PTPN5: variants seen among roughly 807,000 people sequenced by gnomAD.
The protein encoded by PTPN5 is protein tyrosine phosphatase non-receptor type 5, also known as tyrosine-protein phosphatase non-receptor type 5.
A neutral mutation model predicts 73.9 loss-of-function variants in PTPN5; 29 were observed. That is an observed-to-expected ratio of 0.39 (90% CI 0.29 to 0.54). PTPN5 has a LOEUF of 0.54. PTPN5 is among the 20% of genes least tolerant of loss of function. The pLI is 0.65. For missense variants in PTPN5, 652 were observed against 751.4 expected, an observed-to-expected ratio of 0.87 and a Z score of 1.55; for synonymous variants, 267 against 304.7, an observed-to-expected ratio of 0.88 and a Z score of 1.29.
intron 2 of PTPN5, among the ~76,000 whole-genome samples, chr11:18,769,930 G>A (rs577754221): frequency 6.6e-6 from 1 of 152,252 alleles, no homozygotes; most frequent in East Asian, 1.9e-4. Context: ...TGCCTCCTGG[G>A]GTGGCGGGGG....
At chr11:18,743,488 A>C in intron 4 of PTPN5, 59 bp from the exon 5 acceptor site, 3 of 1,482,342 alleles carry the variant, frequency 2.0e-6, no homozygotes, top group South Asian at 1.1e-5. Context: ...GTGTTCCCCC[A>C]GCAGAGCTCA....
Position 18,742,937 on chromosome 11 carries a change from A to G in PTPN5, c.483+55T>C. On this transcript the variant is annotated intron_variant, in intron 6 of 14. Coordinates refer to ENST00000358540, the MANE Select transcript of PTPN5 (RefSeq NM_006906.2). This position sits in a 1 kb window ranked among gnomAD's most constrained non-coding sequence, Gnocchi z 4.1. ...GTCAGATGGGAGCTGGTAGAAATCCAGGCCTCAAGGTCAGAGGAGGACAGC... is the reference window on the plus strand; with the variant it reads ...GTCAGATGGGAGCTGGTAGAAATCCGGGCCTCAAGGTCAGAGGAGGACAGC... The G allele has an allele frequency of 8.6e-7, 1 of 1,159,492 alleles. No individual in the cohort carries two copies. 71.8% of individuals were successfully genotyped at this position (1,159,492 alleles called of 1,614,324 possible). A position where few individuals can be genotyped will look rare whatever the true frequency, so the allele number is the denominator to read the frequency against.
chr11:18,736,006 T>C (rs1326930229), intron 9 of PTPN5, among the ~76,000 whole-genome samples: 2 of 152,178 alleles, frequency 1.3e-5, no homozygotes, highest in African/African-American at 2.4e-5. Flanking sequence ...CAGGGGGCAC[T>C]TATGTCAATG....
At position 18,742,458 on chromosome 11, in the gene PTPN5, G is replaced by A. The variant is rs572292742; in HGVS notation, c.529C>T (p.Pro177Ser). ...ACTGACTGGCGCCTGTCCTCAGGGG[G>A]CAGTGGGGTGGGTGGCTCTGGGGGT... ...RTPPEPPTPL[P>S]PEDRRQSVSR... The change falls in exon 7 of 15, where the codon CCC (proline) becomes TCC (serine). Residue 177 changes from proline to serine, a missense_variant. By Grantham distance (74) the Pro-to-Ser change is moderately conservative (BLOSUM62 -1). This residue lies in a region of PTPN5 where 529 missense variants were observed against 573.9 expected (regional missense o/e 0.92). Transcript: ENST00000358540. This position sits in a 1 kb window ranked among gnomAD's most constrained non-coding sequence, Gnocchi z 4.1. The A allele has an allele frequency of 3.1e-6, 5 of 1,613,932 alleles. No homozygotes were observed. Among genetic ancestry groups the A allele is most frequent in the South Asian group, 1.1e-5 (1 of 91,080 alleles).
At chr11:18,779,752 T>C (rs1366720341) in intron 1 of PTPN5, among the ~76,000 whole-genome samples, 3 of 152,162 alleles carry the variant, frequency 2.0e-5, no homozygotes, top group Non-Finnish European at 1.5e-5. Context: ...AGACTGACCA[T>C]TCTGAGATCA....
intron 3 of PTPN5, among the ~76,000 whole-genome samples, chr11:18,749,694 G>C (rs557970892): frequency 1.3e-5 from 2 of 152,252 alleles, no homozygotes; most frequent in South Asian, 4.1e-4. Context: ...ATTTCACCTG[G>C]GGCACAGGGA....
intron 11 of PTPN5, 59 bp from the exon 12 acceptor site, chr11:18,732,761 A>G: frequency 7.1e-7 from 1 of 1,413,916 alleles, no homozygotes; most frequent in South Asian, 1.2e-5. Context: ...AACTCTCTAC[A>G]CTCTCTTCAG....
rs1848796711 is a variant in PTPN5, at chr11:18,729,866, G to C, written c.1330-48C>G. ...CCCCAGGTATGTGTGAACTCTTTCA[G>C]CTCACAAACCAGCCCAGAGATAGAG... is the stretch of plus-strand genomic sequence containing the variant. On this transcript the variant is annotated intron_variant, in intron 12 of 14. Transcript: ENST00000358540. This position sits in a 1 kb window ranked among gnomAD's most constrained non-coding sequence, Gnocchi z 5.2. The C allele has an allele frequency of 6.2e-7, 1 of 1,611,366 alleles. No homozygotes were observed. The highest frequency in any genetic ancestry group is 8.5e-7 in the Non-Finnish European group (1 of 1,177,666).
At position 18,729,682 on chromosome 11, in the gene PTPN5, C is replaced by T. The variant is rs1458836473; in HGVS notation, c.1466G>A (p.Cys489Tyr). The change falls in exon 13 of 15, where the codon TGT becomes TAT. Residue 489 changes from cysteine to tyrosine, a missense_variant. This residue lies in a region of PTPN5 where 102 missense variants were observed against 160.5 expected (regional missense o/e 0.64). Coordinates refer to ENST00000358540, the MANE Select transcript of PTPN5 (RefSeq NM_006906.2). This position sits in a 1 kb window ranked among gnomAD's most constrained non-coding sequence, Gnocchi z 5.2. ...CCTGCAGTGGACGATGATGGGGGCACAGTGGGGCCCCTCCTGCTGGGCTGC... is the reference window on the plus strand; with the variant it reads ...CCTGCAGTGGACGATGATGGGGGCATAGTGGGGCCCCTCCTGCTGGGCTGC... ...EEAAQQEGPH[C>Y]APIIVHCSAG... The T allele has an allele frequency of 6.3e-7, 1 of 1,576,648 alleles. No individual in the cohort carries two copies. Among genetic ancestry groups the T allele is most frequent in the Non-Finnish European group, 8.6e-7 (1 of 1,160,150 alleles).
intron 3 of PTPN5, among the ~76,000 whole-genome samples, chr11:18,748,200 A>G (rs545779870): frequency 2.6e-4 from 40 of 152,322 alleles, no homozygotes; most frequent in African/African-American, 8.9e-4. Flanking sequence ...AGGATGTAAG[A>G]GATTGACAGA....
chr11:18,737,184 C>G (rs991559779), intron 9 of PTPN5, among the ~76,000 whole-genome samples: 3 of 152,118 alleles, frequency 2.0e-5, no homozygotes, highest in African/African-American at 7.2e-5. Flanking sequence ...GCAGGCTCAT[C>G]GAGGCTTGAT....
intron 3 of PTPN5, 87 bp from the exon 4 acceptor site, chr11:18,744,286 C>T: frequency 8.2e-7 from 1 of 1,221,132 alleles, no homozygotes; most frequent in Non-Finnish European, 1.1e-6. Context: ...GCTGTGGCTG[C>T]CTCTCAATCT....
intron 2 of PTPN5, among the ~76,000 whole-genome samples, chr11:18,769,385 C>T (rs927014768): frequency 6.6e-6 from 1 of 151,986 alleles, no homozygotes; most frequent in Non-Finnish European, 1.5e-5. Context: ...GAGACAGGAG[C>T]TGGTTTTTTT....
intron 3 of PTPN5, among the ~76,000 whole-genome samples, chr11:18,762,014 T>C (rs1229356827): frequency 6.6e-6 from 1 of 152,024 alleles, no homozygotes; most frequent in Admixed American, 6.5e-5. Context: ...CAAACACGAG[T>C]GTGCGAGAGC....
rs758414162 is a variant in PTPN5 at position 18,742,979 on chromosome 11, G to A, written c.483+13C>T. 2 of 1,536,944 alleles carry A rather than the reference G, an allele frequency of 1.3e-6. No homozygotes were observed. Among genetic ancestry groups the A allele is most frequent in the South Asian group, 2.4e-5 (2 of 83,752 alleles). On this transcript the variant is annotated intron_variant, in intron 6 of 14. Transcript: ENST00000358540. The surrounding 1 kb of genome is among the most constrained non-coding windows in gnomAD (Gnocchi z 4.1). ...GAGGACAGCCTTGAGGTTGGGGTCA[G>A]GAGGCGCCTTACCAGGGTGGTAACG...
At chr11:18,748,708 C>A (rs1220070947) in intron 3 of PTPN5, among the ~76,000 whole-genome samples, 1 of 152,026 alleles carries the variant, frequency 6.6e-6, no homozygotes, top group Non-Finnish European at 1.5e-5. Flanking sequence ...GGGCTAGGAG[C>A]CTGCCACTCT....
At chr11:18,779,871 G>C (rs149046679) in intron 1 of PTPN5, among the ~76,000 whole-genome samples, 1 of 152,184 alleles carries the variant, frequency 6.6e-6, no homozygotes, top group Admixed American at 6.5e-5. Flanking sequence ...GCCTTGGGTC[G>C]GTGTCCTAAC....
intron 4 of PTPN5, chr11:18,743,754 A>G: frequency 1.8e-6 from 1 of 569,464 alleles, no homozygotes; most frequent in Non-Finnish European, 3.1e-6. Context: ...CTGGGAGCTC[A>G]GGGGTCGGGG....
At chr11:18,781,249 C>T (rs1269352445) in intron 1 of PTPN5, among the ~76,000 whole-genome samples, 2 of 151,490 alleles carry the variant, frequency 1.3e-5, no homozygotes, top group African/African-American at 4.9e-5. Flanking sequence ...GGATGGAGGT[C>T]TCTGCCTCAC....
Sources: allele counts gnomAD v4.1 joint callset (sites outside exome capture counted in the v4.1 genomes callset), GRCh38; gene constraint gnomAD v4.1.1; regional missense constraint gnomAD v4.1.1; non-coding constraint Gnocchi (gnomAD v3.1); transcripts MANE v1.5; gene names NCBI Gene and HGNC (gene_info 2026-07-23, HGNC 2026-07-21).